TAFA1: variants seen among roughly 807,000 people sequenced by gnomAD.
TAFA1 encodes the protein TAFA chemokine like family member 1.
Under a neutral mutation model 18.5 loss-of-function variants are expected in TAFA1, and 4 were observed. That is an observed-to-expected ratio of 0.22 (90% confidence interval 0.11 to 0.49). The LOEUF is 0.49. Ranked by LOEUF, TAFA1 falls within the 20% of genes least tolerant of loss-of-function variation. The pLI is 0.98. For missense variants in TAFA1, 147 were observed against 169.0 expected (o/e 0.87, Z 0.72); for synonymous variants, 56 against 55.2 (o/e 1.01, Z -0.06).
chr3:68,461,273 C>T (rs540873593), intron 3 of TAFA1, among the ~76,000 whole-genome samples: 1 of 140,228 alleles, frequency 7.1e-6, no homozygotes, highest in Non-Finnish European at 1.6e-5. Context: ...TAGAGTGAGA[C>T]TCTGCCAAAA....
intron 2 of TAFA1, among the ~76,000 whole-genome samples, chr3:68,065,600 C>T (rs1281535075): frequency 6.6e-6 from 1 of 151,866 alleles, no homozygotes; most frequent in African/African-American, 2.4e-5. Flanking sequence ...ACAAGGGAGC[C>T]AGTGAAAGTG....
chr3:68,246,589 C>CAAAAAAAAAAAAAAAAAAAAAA (rs63748968), intron 2 of TAFA1, among the ~76,000 whole-genome samples: 1 of 55,374 alleles, frequency 1.8e-5, no homozygotes, highest in African/African-American at 7.3e-5. Context: ...GACTCCGTCT[C>CAAAAAAAAAAAAAAAAAAAAAA]AAAAAAAAAA....
intron 3 of TAFA1, among the ~76,000 whole-genome samples, chr3:68,537,825 G>A (rs2106787593): frequency 6.6e-6 from 1 of 152,284 alleles, no homozygotes; most frequent in Non-Finnish European, 1.5e-5. Flanking sequence ...TTAATTGCCT[G>A]TGGGTTCTTC....
At chr3:68,536,013 G>A (rs1380401418) in intron 3 of TAFA1, among the ~76,000 whole-genome samples, 3 of 152,206 alleles carry the variant, frequency 2.0e-5, no homozygotes, top group Non-Finnish European at 2.9e-5. Flanking sequence ...ATGAATGTGT[G>A]TCTCAAAACA....
Position 68,390,184 on chromosome 3 carries a change from A to G in TAFA1, c.119-27096A>G, listed in dbSNP as rs375355221. Among the ~76,000 whole-genome samples, 3 of 152,124 alleles carry G rather than the reference A, an allele frequency of 2.0e-5. No individual in the cohort carries two copies. The East Asian group carries it at 5.8e-4, about 29-fold the overall frequency. ...CTTGGTGGGGGAAGGGGCGTCCGCC[A>G]TTACTGAGGCTTGAGTACAGGGTTT... On this transcript the variant is annotated intron_variant, in intron 2 of 4. Coordinates refer to ENST00000478136, the MANE Select transcript of TAFA1 (RefSeq NM_213609.4).
At chr3:68,289,349 T>C (rs895098292) in intron 2 of TAFA1, among the ~76,000 whole-genome samples, 1 of 152,208 alleles carries the variant, frequency 6.6e-6, no homozygotes, top group African/African-American at 2.4e-5. Flanking sequence ...CTATGGTTCA[T>C]GTTTTTTTGT....
intron 3 of TAFA1, among the ~76,000 whole-genome samples, chr3:68,533,115 T>G (rs2073215012): frequency 6.7e-6 from 1 of 150,264 alleles, no homozygotes; most frequent in African/African-American, 2.4e-5. Context: ...AGGTATGTAG[T>G]AAGGTGAGCG....
chr3:67,991,736 G>A, the TAFA1 span, among the ~76,000 whole-genome samples: 2 of 152,134 alleles, frequency 1.3e-5, no homozygotes, highest in Non-Finnish European at 1.5e-5. Context: ...ATTGAGCCAC[G>A]CTACTGGCAT....
rs866098039 is a variant in TAFA1, at chr3:68,287,920, G to T, written c.119-129360G>T. ...TTTTGTTTTTGTTGGGGGGTGGGGG[G>T]GCTTTTTGAAAATTTTTTTCTGAGT... is the stretch of plus-strand genomic sequence containing the variant. On this transcript the variant is annotated intron_variant, in intron 2 of 4. Transcript: ENST00000478136. 6.1e-3 allele frequency among the ~76,000 whole-genome samples: 657 copies of T among 108,374 alleles called. 20 individuals carry two copies. Among genetic ancestry groups the T allele is most frequent in the African/African-American group, 0.017 (554 of 32,762 alleles). 71.1% of individuals were successfully genotyped at this position (108,374 alleles called of 152,430 possible).
At chr3:68,363,808 C>T (rs893549449) in intron 2 of TAFA1, among the ~76,000 whole-genome samples, 2 of 152,070 alleles carry the variant, frequency 1.3e-5, no homozygotes, top group Admixed American at 1.3e-4. Flanking sequence ...CAAGTTATAG[C>T]TTTTTTCTTT....
chr3:68,171,859 A>G (rs2066057905), intron 2 of TAFA1, among the ~76,000 whole-genome samples: 1 of 152,186 alleles, frequency 6.6e-6, no homozygotes, highest in Non-Finnish European at 1.5e-5. Context: ...GAAGAAAAAC[A>G]TTAACAAACT....
At chr3:68,038,691 A>T (rs142333171) in intron 2 of TAFA1, among the ~76,000 whole-genome samples, 1 of 152,192 alleles carries the variant, frequency 6.6e-6, no homozygotes, top group Admixed American at 6.5e-5. Context: ...CTTTAAAAAA[A>T]CTATGCAGGG....
At chr3:68,250,123 C>T (rs573570490) in intron 2 of TAFA1, among the ~76,000 whole-genome samples, 27 of 152,226 alleles carry the variant, frequency 1.8e-4, no homozygotes, top group African/African-American at 6.3e-4. Flanking sequence ...TCACTTATAG[C>T]TTTGTCCCCG....
At chr3:68,099,796 C>A (rs1559519990) in intron 2 of TAFA1, among the ~76,000 whole-genome samples, 1 of 152,146 alleles carries the variant, frequency 6.6e-6, no homozygotes, top group Non-Finnish European at 1.5e-5. Context: ...TACATACACA[C>A]CATGGAATAC....
chr3:68,516,080 G>T (rs2072916163), intron 3 of TAFA1, among the ~76,000 whole-genome samples: 1 of 152,192 alleles, frequency 6.6e-6, no homozygotes, highest in Admixed American at 6.5e-5. Context: ...ATGCATCTTT[G>T]CAGTGACATA....
chr3:68,404,980 ATGT>A (rs1417316945), intron 2 of TAFA1, among the ~76,000 whole-genome samples: 1 of 152,110 alleles, frequency 6.6e-6, no homozygotes. Flanking sequence ...CAACTCAAAA[ATGT>A]TGTTCCATTT....
chr3:68,292,719 C>G (rs1005020823), intron 2 of TAFA1, among the ~76,000 whole-genome samples: 5 of 151,948 alleles, frequency 3.3e-5, no homozygotes, highest in African/African-American at 4.8e-5. Context: ...TTTGTTTTAA[C>G]TTTTTGGTAG....
At chr3:68,130,712 C>T (rs2065525465) in intron 2 of TAFA1, among the ~76,000 whole-genome samples, 1 of 152,122 alleles carries the variant, frequency 6.6e-6, no homozygotes, top group African/African-American at 2.4e-5. Context: ...ATTTCCCTTC[C>T]TCGAGAACAT....
intron 3 of TAFA1, among the ~76,000 whole-genome samples, chr3:68,425,969 C>G (rs920544927): frequency 6.6e-6 from 1 of 151,720 alleles, no homozygotes; most frequent in African/African-American, 2.4e-5. Flanking sequence ...TCCTTAAAGG[C>G]AATGGAATAT....
Sources: allele counts gnomAD v4.1 joint callset (sites outside exome capture counted in the v4.1 genomes callset), GRCh38; gene constraint gnomAD v4.1.1; transcripts MANE v1.5; gene names NCBI Gene and HGNC (gene_info 2026-07-23, HGNC 2026-07-21).